Variants in CRTC1 observed in about 807,000 individuals in gnomAD.
CRTC1 encodes CREB-regulated transcription coactivator 1.
In CRTC1, 18 loss-of-function variants were observed where a neutral mutation model predicts 66.1. The ratio of observed to expected loss-of-function variants is 0.27; its 90% CI spans 0.19 to 0.40. The LOEUF is 0.40. CRTC1 is among the 10% of genes least tolerant of loss of function. The pLI, the probability that CRTC1 is intolerant of heterozygous loss-of-function variation, is 1.00. For synonymous variants in CRTC1, 416 were observed against 398.8 expected, an observed-to-expected ratio of 1.04 and a Z score of -0.51; for missense variants, 669 against 887.9, an observed-to-expected ratio of 0.75 and a Z score of 3.13.
At chr19:18,693,381 A>G (rs2052897166) in intron 1 of CRTC1, among the ~76,000 whole-genome samples, 1 of 94,450 alleles carries the variant, frequency 1.1e-5, no homozygotes, top group Non-Finnish European at 2.0e-5. Flanking sequence ...AGAGTGAGAC[A>G]CCGTCTAAAA....
chr19:18,724,650 C>T (rs773501923), intron 1 of CRTC1, among the ~76,000 whole-genome samples: 2 of 150,342 alleles, frequency 1.3e-5, no homozygotes, highest in African/African-American at 2.5e-5. Context: ...CTGCATCGCC[C>T]CAATCCCGGC....
intron 8 of CRTC1, among the ~76,000 whole-genome samples, chr19:18,764,601 G>GGCCT (rs1320176080): frequency 6.6e-6 from 1 of 152,258 alleles, no homozygotes; most frequent in Non-Finnish European, 1.5e-5. Flanking sequence ...AAGGGGTGAT[G>GGCCT]AGGCGGCTCC....
At chr19:18,688,010 C>T (rs1010287216) in intron 1 of CRTC1, among the ~76,000 whole-genome samples, 7 of 152,054 alleles carry the variant, frequency 4.6e-5, no homozygotes, top group Non-Finnish European at 8.8e-5. Flanking sequence ...GTTGGGGCAG[C>T]GCGTTCATTC....
At chr19:18,690,367 G>T (rs2052801022) in intron 1 of CRTC1, among the ~76,000 whole-genome samples, 1 of 152,166 alleles carries the variant, frequency 6.6e-6, no homozygotes, top group South Asian at 2.1e-4. Flanking sequence ...TCCTGGCTTT[G>T]GCGCTATTTG....
chr19:18,722,763 T>C (rs372519414), intron 1 of CRTC1, among the ~76,000 whole-genome samples: 1 of 152,150 alleles, frequency 6.6e-6, no homozygotes, highest in East Asian at 1.9e-4. Context: ...ACCCCGCAGG[T>C]AGTCACTCCC....
chr19:18,777,460 C>T lies in CRTC1; in HGVS notation c.*78C>T, dbSNP rs753466130. Reference sequence around the variant, plus strand: ...CCGGGGACGGCCGTGCTCCGTCCCTCGCCAACGGCCGAGCTTGTGATTCTG... The same window carrying T: ...CCGGGGACGGCCGTGCTCCGTCCCTTGCCAACGGCCGAGCTTGTGATTCTG... On this transcript the variant is annotated 3_prime_UTR_variant, in exon 14 of 14. Transcript: ENST00000321949. This position sits in a 1 kb window ranked among gnomAD's most constrained non-coding sequence, Gnocchi z 5.5. The T allele has an allele frequency of 1.3e-4, 167 of 1,298,414 alleles. 1 individual carries two copies. Among genetic ancestry groups the T allele is most frequent in the Middle Eastern group, 1.8e-4 (1 of 5,526 alleles). 80.4% of individuals were successfully genotyped at this position (1,298,414 alleles called of 1,614,324 possible). A position where few individuals can be genotyped will look rare whatever the true frequency, so the allele number is the denominator to read the frequency against.
At chr19:18,698,580 G>A (rs1205893286) in intron 1 of CRTC1, among the ~76,000 whole-genome samples, 1 of 151,686 alleles carries the variant, frequency 6.6e-6, no homozygotes, top group South Asian at 2.1e-4. Context: ...CTCAGCAGGC[G>A]CACAGTGTAT....
At chr19:18,739,004 A>G (rs1345749240) in intron 1 of CRTC1, among the ~76,000 whole-genome samples, 1 of 152,104 alleles carries the variant, frequency 6.6e-6, no homozygotes, top group Non-Finnish European at 1.5e-5. Flanking sequence ...GCTGGAGGCA[A>G]AGCCCACCCA....
At chr19:18,685,716 C>T (rs977590160) in intron 1 of CRTC1, among the ~76,000 whole-genome samples, 4 of 152,160 alleles carry the variant, frequency 2.6e-5, no homozygotes, top group East Asian at 3.9e-4. Context: ...TGAGTGTCCC[C>T]CACATATCAG....
chr19:18,740,047 G>T (rs1269543176), intron 1 of CRTC1, among the ~76,000 whole-genome samples: 1 of 152,056 alleles, frequency 6.6e-6, no homozygotes, highest in Non-Finnish European at 1.5e-5. Flanking sequence ...GAGGTCAGGG[G>T]TTCAAGACCA....
intron 1 of CRTC1, among the ~76,000 whole-genome samples, chr19:18,699,191 T>G (rs1243336860): frequency 6.6e-6 from 1 of 152,150 alleles, no homozygotes; most frequent in East Asian, 1.9e-4. Context: ...AAGCAGGTGC[T>G]CTCTAAGAGG....
intron 1 of CRTC1, among the ~76,000 whole-genome samples, chr19:18,726,526 C>T (rs889617201): frequency 3.3e-5 from 5 of 152,130 alleles, no homozygotes; most frequent in African/African-American, 4.8e-5. Context: ...TCATCCAGAA[C>T]CTGTGAGTGA....
intron 1 of CRTC1, among the ~76,000 whole-genome samples, chr19:18,726,985 G>A (rs1313527189): frequency 6.6e-6 from 1 of 151,766 alleles, no homozygotes; most frequent in Non-Finnish European, 1.5e-5. Flanking sequence ...GGTGGCCTAG[G>A]CCTTTAATCC....
Position 18,745,734 on chromosome 19 carries a change from C to T in CRTC1, c.244-89C>T, listed in dbSNP as rs534145638. 293 of 1,542,806 alleles carry T rather than the reference C, an allele frequency of 1.9e-4. 1 individual carries two copies. In the African/African-American group the frequency reaches 2.7e-3, roughly 14 times the overall value. On this transcript the variant is annotated intron_variant, in intron 2 of 13. Coordinates refer to ENST00000321949, the MANE Select transcript of CRTC1 (RefSeq NM_015321.3). Reference sequence around the variant, plus strand: ...GGGTGCTCCAGAGTGGGGGGCCCTGCGATCAGACTCTGGGGCCAGCGCTGG... The same window carrying T: ...GGGTGCTCCAGAGTGGGGGGCCCTGTGATCAGACTCTGGGGCCAGCGCTGG...
chr19:18,760,327 G>C lies in CRTC1; in HGVS notation c.886+99G>C. ...TGGCAGAGTCCCGTTCCAAATACTA[G>C]GGCATGGGGGACAGGGCTGGGGGGC... On this transcript the variant is annotated intron_variant, in intron 8 of 13. Coordinates refer to ENST00000321949, the MANE Select transcript of CRTC1 (RefSeq NM_015321.3). The surrounding 1 kb of genome is among the most constrained non-coding windows in gnomAD (Gnocchi z 6.2). The C allele has an allele frequency of 9.8e-7, 1 of 1,024,382 alleles. No homozygotes were observed. Among genetic ancestry groups the C allele is most frequent in the South Asian group, 1.5e-5 (1 of 66,942 alleles). The allele number at this position is 1,024,382 out of a possible 1,614,324, so 63.5% of individuals were successfully genotyped here.
rs978354108 is a variant in CRTC1 at position 18,780,109 on chromosome 19, G to A, written c.*2727G>A. 11 of 231,680 alleles carry A rather than the reference G, an allele frequency of 4.7e-5. No homozygotes were observed. Among genetic ancestry groups the A allele is most frequent in the African/African-American group, 2.0e-4 (9 of 45,212 alleles). The allele number at this position is 231,680 out of a possible 1,614,324, so 14.4% of individuals were successfully genotyped here. On this transcript the variant is annotated 3_prime_UTR_variant, in exon 14 of 14. Coordinates refer to ENST00000321949, the MANE Select transcript of CRTC1 (RefSeq NM_015321.3). ...TGATGTGAAAATACTGTGATTTGAC[G>A]AGCCGCTTCCTGAGGGGCAGGCCCA...
intron 1 of CRTC1, among the ~76,000 whole-genome samples, chr19:18,710,644 C>T (rs1285756641): frequency 1.3e-4 from 20 of 152,180 alleles, no homozygotes; most frequent in Non-Finnish European, 4.4e-5. Context: ...CAGAGTCTCA[C>T]TCTTTCACCC....
chr19:18,740,671 T>A (rs2054091527), intron 1 of CRTC1, among the ~76,000 whole-genome samples: 1 of 152,102 alleles, frequency 6.6e-6, no homozygotes, highest in Non-Finnish European at 1.5e-5. Flanking sequence ...GCTGTACAAC[T>A]CCTCATGCAA....
At chr19:18,693,883 C>T (rs1165949335) in intron 1 of CRTC1, among the ~76,000 whole-genome samples, 3 of 151,908 alleles carry the variant, frequency 2.0e-5, no homozygotes, top group East Asian at 3.9e-4. Flanking sequence ...CCTGTCATCC[C>T]AGAGCTTTGG....
Sources: gnomAD v4.1 joint callset for allele counts (sites outside exome capture counted in the v4.1 genomes callset) on GRCh38, gnomAD v4.1.1 for gene constraint, Gnocchi (gnomAD v3.1) non-coding constraint, MANE v1.5 for transcripts, NCBI Gene and HGNC (gene_info 2026-07-23, HGNC 2026-07-21) for gene names.